Variants in DNAH5 observed in about 807,000 individuals in gnomAD.
The protein encoded by DNAH5 is dynein axonemal heavy chain 5.
A neutral mutation model predicts 518.2 loss-of-function variants in DNAH5; 372 were observed. That is an observed-to-expected ratio of 0.72 (90% CI 0.66 to 0.78). DNAH5 has a LOEUF of 0.78. Ranked by LOEUF, DNAH5 falls within the 30% of genes least tolerant of loss-of-function variation. The pLI is 0.00. For missense variants in DNAH5, 5,523 were observed against 5,687.0 expected (o/e 0.97, Z 0.93); for synonymous variants, 2,039 against 2,025.9 (o/e 1.01, Z -0.17).
chr5:13,777,670 A>C (rs912569429), intron 53 of DNAH5, among the ~76,000 whole-genome samples: 1 of 152,222 alleles, frequency 6.6e-6, no homozygotes, highest in Admixed American at 6.5e-5. Context: ...ACAATGATAA[A>C]AGTCAAATTC....
intron 28 of DNAH5, among the ~76,000 whole-genome samples, chr5:13,863,638 C>A (rs1223079964): frequency 6.6e-6 from 1 of 152,172 alleles, no homozygotes; most frequent in Non-Finnish European, 1.5e-5. Context: ...TCTCATCTAA[C>A]AAGCCATCAT....
intron 49 of DNAH5, among the ~76,000 whole-genome samples, chr5:13,793,235 C>T (rs1469653930): frequency 6.6e-6 from 1 of 152,228 alleles, no homozygotes; most frequent in Admixed American, 6.5e-5. Flanking sequence ...GAAACAATTT[C>T]ATTTCCATGT....
intron 61 of DNAH5, among the ~76,000 whole-genome samples, chr5:13,758,330 T>C (rs1293617813): frequency 1.3e-5 from 2 of 151,932 alleles, no homozygotes; most frequent in African/African-American, 2.4e-5. Flanking sequence ...TGGTGAAAAC[T>C]TGTCTCTACA....
chr5:13,906,492 T>C (rs1174801833), intron 12 of DNAH5, among the ~76,000 whole-genome samples: 1 of 152,180 alleles, frequency 6.6e-6, no homozygotes, highest in Non-Finnish European at 1.5e-5. Flanking sequence ...AAAAGTGTGA[T>C]ATAGTGACAT....
intron 21 of DNAH5, among the ~76,000 whole-genome samples, chr5:13,880,040 G>A (rs1771439972): frequency 6.6e-6 from 1 of 152,154 alleles, no homozygotes; most frequent in African/African-American, 2.4e-5. Flanking sequence ...GATAAAGAGT[G>A]TTGAAAGTAG....
At chr5:13,710,961 C>A (rs1041697651) in intron 75 of DNAH5, among the ~76,000 whole-genome samples, 1 of 152,176 alleles carries the variant, frequency 6.6e-6, no homozygotes, top group Non-Finnish European at 1.5e-5. Flanking sequence ...GGTACCAATC[C>A]TTTTGACACT....
intron 30 of DNAH5, among the ~76,000 whole-genome samples, chr5:13,855,716 C>T (rs890987180): frequency 1.3e-5 from 2 of 152,214 alleles, no homozygotes. Context: ...CCACATCATA[C>T]TTATTCTAAT....
At chr5:13,755,385 A>G (rs193277086) in intron 61 of DNAH5, among the ~76,000 whole-genome samples, 1 of 152,350 alleles carries the variant, frequency 6.6e-6, no homozygotes, top group East Asian at 1.9e-4. Flanking sequence ...TGACCAAGAA[A>G]GCAGATCACA....
chr5:13,728,016 G>T (rs1164280371), intron 69 of DNAH5, among the ~76,000 whole-genome samples: 1 of 152,166 alleles, frequency 6.6e-6, no homozygotes, highest in Non-Finnish European at 1.5e-5. Flanking sequence ...ATCTTCTCAT[G>T]TCAGGAACCA....
intron 40 of DNAH5, among the ~76,000 whole-genome samples, chr5:13,821,525 C>A (rs1762238534): frequency 6.6e-6 from 1 of 152,098 alleles, no homozygotes; most frequent in Non-Finnish European, 1.5e-5. Context: ...GAACTTGAAG[C>A]AGAGTGACTA....
intron 53 of DNAH5, among the ~76,000 whole-genome samples, chr5:13,780,511 T>G (rs1277762462): frequency 6.6e-6 from 1 of 152,222 alleles, no homozygotes; most frequent in Non-Finnish European, 1.5e-5. Flanking sequence ...ATCCTTGAAA[T>G]CTGAATTAAC....
chr5:13,966,252 C>T (rs147766073), intron 1 of DNAH5, among the ~76,000 whole-genome samples: 2 of 151,998 alleles, frequency 1.3e-5, no homozygotes, highest in East Asian at 3.9e-4. Flanking sequence ...TTTCTTTATC[C>T]ACTCGTCAAT....
At chr5:13,769,390 G>C (rs1369963112) in intron 57 of DNAH5, 111 bp downstream of exon 57, 4 of 992,422 alleles carry the variant, frequency 4.0e-6, no homozygotes, top group Non-Finnish European at 6.5e-6. Flanking sequence ...TTATTCCAAT[G>C]GAAGTTAATG....
intron 72 of DNAH5, 139 bp from the exon 73 acceptor site, chr5:13,717,659 CAAT>C: frequency 1.3e-6 from 1 of 797,520 alleles, no homozygotes; most frequent in Non-Finnish European, 2.1e-6. Flanking sequence ...ACTCATGTGA[CAAT>C]AATAATTTAA....
chr5:13,743,632 A>G (rs758556817), intron 65 of DNAH5, among the ~76,000 whole-genome samples: 8 of 152,054 alleles, frequency 5.3e-5, no homozygotes, highest in Non-Finnish European at 1.0e-4. Context: ...AAAAAAATCA[A>G]TTAAAAAATG....
intron 69 of DNAH5, 88 bp downstream of exon 69, chr5:13,729,351 A>G: frequency 6.5e-7 from 1 of 1,541,276 alleles, no homozygotes; most frequent in East Asian, 2.3e-5. Context: ...ATTAAGAACT[A>G]TCTCTCTTCC....
intron 1 of DNAH5, among the ~76,000 whole-genome samples, chr5:13,989,426 G>T (rs1339143972): frequency 1.3e-5 from 2 of 149,308 alleles, no homozygotes; most frequent in African/African-American, 4.9e-5. Flanking sequence ...ATCCAATTTT[G>T]TAAAAAATAA....
intron 1 of DNAH5, among the ~76,000 whole-genome samples, chr5:13,976,687 G>GTATATATATATATATA (rs1231927910): frequency 6.6e-5 from 8 of 121,352 alleles, no homozygotes; most frequent in East Asian, 3.2e-4. Context: ...ATGTGTGTGT[G>GTATATATATATATATA]TGTATATATA....
At chr5:13,736,266 G>A (rs1747398871) in intron 66 of DNAH5, among the ~76,000 whole-genome samples, 1 of 152,194 alleles carries the variant, frequency 6.6e-6, no homozygotes, top group South Asian at 2.1e-4. Context: ...CAGCAAGCGA[G>A]GTAGCCATTA....
Sources: allele counts gnomAD v4.1 joint callset (sites outside exome capture counted in the v4.1 genomes callset), GRCh38; gene constraint gnomAD v4.1.1; transcripts MANE v1.5; gene names NCBI Gene and HGNC (gene_info 2026-07-23, HGNC 2026-07-21).